The following MLANA variants were observed in gnomAD, a reference collection of about 807,000 sequenced individuals.
MLANA encodes melanoma antigen recognized by T-cells 1.
MLANA carries 21 observed loss-of-function variants against 15.7 expected under a neutral mutation model. The ratio of observed to expected loss-of-function variants is 1.33; its 90% CI spans 0.95 to 1.92. The LOEUF is 1.92. Ranked by LOEUF, MLANA falls within the 40% of genes most tolerant of loss-of-function variation. The pLI is 0.00. For missense variants in MLANA, 164 were observed against 143.8 expected, an observed-to-expected ratio of 1.14 and a Z score of -0.72; for synonymous variants, 56 against 51.5, an observed-to-expected ratio of 1.09 and a Z score of -0.37.
chr9:5,898,035 G>C (rs1197772684), intron 3 of MLANA: 1 of 190,498 alleles, frequency 5.2e-6, no homozygotes, highest in Non-Finnish European at 1.1e-5. Flanking sequence ...AAGGGAGTGA[G>C]AGAGCAAGAG....
chr9:5,902,359 TTTTA>T (rs1177494325), intron 3 of MLANA, among the ~76,000 whole-genome samples: 1 of 152,228 alleles, frequency 6.6e-6, no homozygotes, highest in African/African-American at 2.4e-5. Flanking sequence ...GTTTGTGCCT[TTTTA>T]TTTCTTAGCC....
chr9:5,901,369 A>T (rs1158472752), intron 3 of MLANA, among the ~76,000 whole-genome samples: 2 of 152,222 alleles, frequency 1.3e-5, no homozygotes, highest in Non-Finnish European at 2.9e-5. Context: ...TTCTTCAGCA[A>T]ACTTGAGTAA....
rs557521231 is a variant in MLANA at position 5,892,239 on chromosome 9, C to T, written c.-25-211C>T. Among the ~76,000 whole-genome samples the T allele has an allele frequency of 1.2e-3, 179 of 152,220 alleles. 1 individual carries two copies. The highest frequency in any genetic ancestry group is 4.9e-4 in the Non-Finnish European group (33 of 68,018). ...TAGTTTCTTCTTTGAACTTAATTTT[C>T]AGTTAGTAGGAGGGGTTAGAAACCT... On this transcript the variant is annotated intron_variant, in intron 1 of 4. Transcript: ENST00000381477.
chr9:5,910,018 G>A lies in MLANA; in HGVS notation c.*1310G>A, dbSNP rs146855925. ...CATAGTAGAGGATAACTATAACAAC[G>A]AAGATAATGAAAGTAATTTTTTTAA... On this transcript the variant is annotated 3_prime_UTR_variant, in exon 5 of 5. Coordinates refer to ENST00000381477, the MANE Select transcript of MLANA (RefSeq NM_005511.2). The A allele has an allele frequency of 5.3e-5, 8 of 152,216 alleles. No homozygotes were observed. The East Asian group carries it at 5.8e-4, about 11-fold the overall frequency. The allele number at this position is 152,216 out of a possible 1,614,324, so 9.4% of individuals were successfully genotyped here. A position where few individuals can be genotyped will look rare whatever the true frequency, so the allele number is the denominator to read the frequency against.
chr9:5,906,633 G>T (rs556717629), intron 3 of MLANA, among the ~76,000 whole-genome samples: 1 of 152,280 alleles, frequency 6.6e-6, no homozygotes, highest in Admixed American at 6.5e-5. Flanking sequence ...ACCAACTATT[G>T]GGTCCCAGGT....
chr9:5,905,835 C>T (rs1484117153), intron 3 of MLANA, among the ~76,000 whole-genome samples: 1 of 152,228 alleles, frequency 6.6e-6, no homozygotes, highest in Non-Finnish European at 1.5e-5. Flanking sequence ...CTCAGGCACA[C>T]TTTCTCAGGA....
chr9:5,896,751 G>C (rs555520668), intron 2 of MLANA, among the ~76,000 whole-genome samples: 1 of 152,298 alleles, frequency 6.6e-6, no homozygotes, highest in East Asian at 1.9e-4. Flanking sequence ...TGGTAACTTT[G>C]TGGTAACTGT....
intron 3 of MLANA, among the ~76,000 whole-genome samples, chr9:5,904,796 C>T (rs1177072651): frequency 6.7e-5 from 9 of 134,606 alleles, no homozygotes; most frequent in Middle Eastern, 6.3e-3. Context: ...TTTTTTGAGA[C>T]GGAGTCTCAC....
intron 3 of MLANA, 74 bp downstream of exon 3, chr9:5,897,727 GGA>G: frequency 7.9e-7 from 1 of 1,263,992 alleles, no homozygotes; most frequent in Non-Finnish European, 1.2e-6. Context: ...CTGAATCTCT[GGA>G]GAGTCAGATA....
In MLANA at chr9:5,897,611, C is replaced by T. The variant is rs202246910; in HGVS notation, c.132C>T (p.Gly44=). The part of the protein sequence containing the change: ...TVILGVLLLI[G]CWYCRRRNGY... ...TCCTGGGAGTCTTACTGCTCATCGG[C>T]TGTTGGTATTGTAGAAGACGAAATG... Residue 44 remains glycine (G), a synonymous_variant, in exon 3 of 5, where the codon GGC becomes GGT. Coordinates refer to ENST00000381477, the MANE Select transcript of MLANA (RefSeq NM_005511.2). 9.6e-5 allele frequency: 155 copies of T among 1,614,134 alleles called. No individual in the cohort carries two copies. The Middle Eastern group carries it at 2.1e-3, about 22-fold the overall frequency.
At chr9:5,905,483 C>A (rs572403549) in intron 3 of MLANA, among the ~76,000 whole-genome samples, 7 of 152,312 alleles carry the variant, frequency 4.6e-5, no homozygotes, top group South Asian at 4.1e-4. Context: ...AGGGTTAAAT[C>A]ATGCCCTTCA....
chr9:5,895,668 A>G (rs1011937730), intron 2 of MLANA, among the ~76,000 whole-genome samples: 2 of 152,208 alleles, frequency 1.3e-5, no homozygotes, highest in African/African-American at 4.8e-5. Flanking sequence ...GCAGATTTCT[A>G]GGTGCTGCCA....
intron 3 of MLANA, among the ~76,000 whole-genome samples, chr9:5,902,536 C>CT (rs1251062590): frequency 6.6e-6 from 1 of 151,888 alleles, no homozygotes; most frequent in Non-Finnish European, 1.5e-5. Flanking sequence ...ACAATCATAG[C>CT]TCACTGTTAC....
At position 5,908,705 on chromosome 9, in the gene MLANA, T is replaced by C. The variant is rs756524213; in HGVS notation, c.354T>C (p.Pro118=). 15 of 1,613,698 alleles carry C rather than the reference T, an allele frequency of 9.3e-6. No individual in the cohort carries two copies. Among genetic ancestry groups the C allele is most frequent in the Non-Finnish European group, 1.2e-5 (14 of 1,179,742 alleles). ...SAEQSPPPYS[P] is the part of the protein sequence containing the mutation. ...AACAGTCACCACCACCTTATTCACC[T>C]TAAGAGCCAGCGAGACACCTGAGAC... The change falls in exon 5 of 5, where the codon CCT becomes CCC. Residue 118 remains proline, a synonymous_variant. Coordinates refer to ENST00000381477, the MANE Select transcript of MLANA (RefSeq NM_005511.2).
At chr9:5,906,336 A>G (rs1832810269) in intron 3 of MLANA, among the ~76,000 whole-genome samples, 1 of 150,162 alleles carries the variant, frequency 6.7e-6, no homozygotes, top group South Asian at 2.1e-4. Flanking sequence ...TCTCAAAAAA[A>G]AAAAAAGAAA....
chr9:5,902,560 G>A (rs549962794), intron 3 of MLANA, among the ~76,000 whole-genome samples: 2 of 151,768 alleles, frequency 1.3e-5, no homozygotes, highest in South Asian at 4.2e-4. Flanking sequence ...GAACTCCTGG[G>A]CTCAAGCACT....
At position 5,908,988 on chromosome 9, in the gene MLANA, T is replaced by G; in HGVS notation, c.*280T>G. ...TGTTAGTAAATCCATGGTGTTATTTTCTGAGAGACAGAATTCAAGTGGGTA... is the reference window on the plus strand; with the variant it reads ...TGTTAGTAAATCCATGGTGTTATTTGCTGAGAGACAGAATTCAAGTGGGTA... On this transcript the variant is annotated 3_prime_UTR_variant, in exon 5 of 5. Transcript: ENST00000381477. 2.6e-6 allele frequency: 1 copy of G among 389,978 alleles called. No homozygotes were observed. The highest frequency in any genetic ancestry group is 5.0e-5 in the East Asian group (1 of 19,974). 24.2% of individuals were successfully genotyped at this position (389,978 alleles called of 1,614,324 possible).
intron 3 of MLANA, among the ~76,000 whole-genome samples, chr9:5,905,279 G>A (rs1307713562): frequency 6.6e-6 from 1 of 152,076 alleles, no homozygotes; most frequent in Non-Finnish European, 1.5e-5. Context: ...CTTCACCAAG[G>A]GGACCCCAGG....
intron 4 of MLANA, among the ~76,000 whole-genome samples, chr9:5,907,980 C>T (rs1832926011): frequency 6.6e-6 from 1 of 152,040 alleles, no homozygotes; most frequent in African/African-American, 2.4e-5. Context: ...AATAAAATTA[C>T]ATAAGTGGCT....
Sources: allele counts gnomAD v4.1 joint callset (sites outside exome capture counted in the v4.1 genomes callset), GRCh38; gene constraint gnomAD v4.1.1; transcripts MANE v1.5; gene names NCBI Gene and HGNC (gene_info 2026-07-23, HGNC 2026-07-21).